METAP1D: variants seen among roughly 807,000 people sequenced by gnomAD.
METAP1D encodes methionyl aminopeptidase type 1D, mitochondrial, also known as methionine aminopeptidase 1D, mitochondrial.
A neutral mutation model predicts 40.5 loss-of-function variants in METAP1D; 31 were observed. The observed-to-expected ratio is 0.77, with a 90% CI of 0.58 to 1.03. The LOEUF (loss-of-function observed/expected upper bound fraction) is 1.03, where lower values mean the gene tolerates loss of function less well. Ranked by LOEUF, METAP1D falls within the 50% of genes least tolerant of loss-of-function variation. The pLI, the probability that METAP1D is intolerant of heterozygous loss-of-function variation, is 0.00. For synonymous variants in METAP1D, 151 were observed against 146.4 expected (o/e 1.03, Z -0.22); for missense variants, 411 against 420.7 (o/e 0.98, Z 0.20).
At chr2:172,054,448 G>A (rs1222485121) in intron 1 of METAP1D, among the ~76,000 whole-genome samples, 1 of 152,050 alleles carries the variant, frequency 6.6e-6, no homozygotes, top group Non-Finnish European at 1.5e-5. Flanking sequence ...GAACCCGGGA[G>A]GCAGAGGTTG....
At chr2:172,005,373 A>G (rs1253051103) in intron 1 of METAP1D, among the ~76,000 whole-genome samples, 1 of 151,542 alleles carries the variant, frequency 6.6e-6, no homozygotes, top group Non-Finnish European at 1.5e-5. Context: ...CTTAGCTCCC[A>G]CTTATAAGTG....
intron 1 of METAP1D, 104 bp from the exon 2 acceptor site, chr2:172,061,394 A>C (rs1350739298): frequency 1.0e-6 from 1 of 978,112 alleles, no homozygotes; most frequent in Admixed American, 2.7e-5. Context: ...TTCAGTCAAT[A>C]AGGTATTAGA....
intron 8 of METAP1D, 103 bp downstream of exon 8, chr2:172,079,365 G>C: frequency 9.6e-7 from 1 of 1,044,946 alleles, no homozygotes; most frequent in Non-Finnish European, 1.5e-6. Flanking sequence ...AAGCCAATCA[G>C]TGTAATGAAA....
Position 172,001,912 on chromosome 2 carries a change from C to G in METAP1D, c.40+1903C>G, listed in dbSNP as rs992874444. ...AGGAGTTCAAGACCAGCCTGGCCAACATGGTGAAACCTGTCTCTACTAAAA... is the reference window on the plus strand; with the variant it reads ...AGGAGTTCAAGACCAGCCTGGCCAAGATGGTGAAACCTGTCTCTACTAAAA... On this transcript the variant is annotated intron_variant, in intron 1 of 9. Coordinates refer to ENST00000315796, the MANE Select transcript of METAP1D (RefSeq NM_199227.3). Among the ~76,000 whole-genome samples, 5 of 152,212 alleles carry G rather than the reference C, an allele frequency of 3.3e-5. No homozygotes were observed. The East Asian group carries it at 9.7e-4, about 29-fold the overall frequency.
chr2:172,034,021 G>A (rs1406192297), intron 1 of METAP1D, among the ~76,000 whole-genome samples: 5 of 147,508 alleles, frequency 3.4e-5, no homozygotes, highest in Admixed American at 2.1e-4. Context: ...AGGTTGCGGC[G>A]AGTGGAGATC....
At chr2:172,004,473 G>A (rs928126196) in intron 1 of METAP1D, among the ~76,000 whole-genome samples, 2 of 151,920 alleles carry the variant, frequency 1.3e-5, no homozygotes, top group Admixed American at 6.6e-5. Context: ...ACAAGCATCC[G>A]CCGCCATGCC....
At chr2:172,075,767 A>G (rs373441904) in intron 6 of METAP1D, among the ~76,000 whole-genome samples, 1 of 152,216 alleles carries the variant, frequency 6.6e-6, no homozygotes, top group East Asian at 1.9e-4. Flanking sequence ...AATACTCTGC[A>G]AAGCAAACAG....
chr2:172,017,273 C>CACAT (rs1245321576), intron 1 of METAP1D, among the ~76,000 whole-genome samples: 3,003 of 146,410 alleles, frequency 0.021, 59 homozygotes, highest in African/African-American at 0.031. Context: ...CACACACACA[C>CACAT]ATTTTATATA....
chr2:172,000,857 C>A (rs1019487963), intron 1 of METAP1D, among the ~76,000 whole-genome samples: 1 of 151,980 alleles, frequency 6.6e-6, no homozygotes, highest in African/African-American at 2.4e-5. Flanking sequence ...AAAAATTAGT[C>A]GGGCGTGGTG....
intron 1 of METAP1D, among the ~76,000 whole-genome samples, chr2:172,026,058 T>TTTTG (rs1275533047): frequency 6.6e-6 from 1 of 152,192 alleles, no homozygotes; most frequent in African/African-American, 2.4e-5. Context: ...TTGATTATCT[T>TTTTG]TTTGTTTGTT....
At position 172,080,171 on chromosome 2, in the gene METAP1D, G is replaced by A. The variant is rs1403817541; in HGVS notation, c.894G>A (p.Glu298=). The A allele has an allele frequency of 8.1e-6, 13 of 1,614,118 alleles. No homozygotes were observed. The African/African-American group carries it at 1.5e-4, about 18-fold the overall frequency. The change falls in exon 9 of 10, where the codon GAG becomes GAA. Residue 298 remains glutamate, a synonymous_variant. Transcript: ENST00000315796. ...TEGSPEFKVL[E]DAWTVVSLDN... ...GATCCCCTGAATTTAAAGTCCTGGA[G>A]GATGCATGGACTGTGGTCTCCCTAG...
intron 1 of METAP1D, among the ~76,000 whole-genome samples, chr2:172,038,183 A>G (rs1322865211): frequency 6.6e-6 from 1 of 152,228 alleles, no homozygotes; most frequent in Non-Finnish European, 1.5e-5. Context: ...TTCCCAGGCC[A>G]GCTCAAAAAA....
Position 172,045,994 on chromosome 2 carries a change from A to AT in METAP1D, c.41-15494dup, listed in dbSNP as rs1470888866. Among the ~76,000 whole-genome samples, 522 of 114,276 alleles carry AT rather than the reference A, an allele frequency of 4.6e-3. 1 individual carries two copies. The highest frequency in any genetic ancestry group is 0.015 in the African/African-American group (464 of 30,238). 75.0% of individuals were successfully genotyped at this position (114,276 alleles called of 152,430 possible). A position where few individuals can be genotyped will look rare whatever the true frequency, so the allele number is the denominator to read the frequency against. On this transcript the variant is annotated intron_variant, in intron 1 of 9. Coordinates refer to ENST00000315796, the MANE Select transcript of METAP1D (RefSeq NM_199227.3). ...TTTAGAGCTGGGCTTCCCAAATTTTATTTTTTTTTTCTGGAATCAAAAAAG... is the reference window on the plus strand; with the variant it reads ...TTTAGAGCTGGGCTTCCCAAATTTTATTTTTTTTTTTCTGGAATCAAAAAAG...
At chr2:172,063,971 AT>A in intron 3 of METAP1D, 111 bp downstream of exon 3, 1 of 1,261,796 alleles carries the variant, frequency 7.9e-7, no homozygotes, top group Non-Finnish European at 1.0e-6. Flanking sequence ...TGTTTTAAAA[AT>A]TTATTTGTTT....
intron 8 of METAP1D, 27 bp downstream of exon 8, chr2:172,079,289 G>A (rs1574149377): frequency 1.9e-6 from 3 of 1,612,850 alleles, no homozygotes; most frequent in East Asian, 2.2e-5. Flanking sequence ...TTCCGAGTGA[G>A]TGCGTAGCTC....
In METAP1D at chr2:172,056,847, C is replaced by T. The variant is rs545739639; in HGVS notation, c.41-4651C>T. On this transcript the variant is annotated intron_variant, in intron 1 of 9. Coordinates refer to ENST00000315796, the MANE Select transcript of METAP1D (RefSeq NM_199227.3). Reference sequence around the variant, plus strand: ...TTGGTAACTCACACCTGTTTGACCTCCAAGCTCATGCTGTTGTCACTACCA... The same window carrying T: ...TTGGTAACTCACACCTGTTTGACCTTCAAGCTCATGCTGTTGTCACTACCA... 9.8e-5 allele frequency among the ~76,000 whole-genome samples: 15 copies of T among 152,288 alleles called. 1 individual carries two copies. The South Asian group carries it at 2.9e-3, about 29-fold the overall frequency.
At chr2:172,022,094 A>G (rs1394892677) in intron 1 of METAP1D, among the ~76,000 whole-genome samples, 5 of 152,184 alleles carry the variant, frequency 3.3e-5, no homozygotes, top group South Asian at 2.1e-4. Flanking sequence ...GGTGGCGCCT[A>G]TATTTCATCA....
intron 1 of METAP1D, among the ~76,000 whole-genome samples, chr2:172,012,796 G>A (rs904088894): frequency 6.6e-6 from 1 of 152,134 alleles, no homozygotes; most frequent in Non-Finnish European, 1.5e-5. Flanking sequence ...ATGACTTCCT[G>A]CATGCATATT....
At chr2:172,063,618 A>G (rs1690183078) in intron 2 of METAP1D, 93 bp from the exon 3 acceptor site, 1 of 966,124 alleles carries the variant, frequency 1.0e-6, no homozygotes. Flanking sequence ...CAGGAAGGGC[A>G]GAGCTCCATG....
Sources: gnomAD v4.1 joint callset for allele counts (sites outside exome capture counted in the v4.1 genomes callset) on GRCh38, gnomAD v4.1.1 for gene constraint, MANE v1.5 for transcripts, NCBI Gene and HGNC (gene_info 2026-07-23, HGNC 2026-07-21) for gene names.